ETV6: variants seen among roughly 807,000 people sequenced by gnomAD.
ETV6 encodes the protein transcription factor ETV6.
In ETV6, 16 loss-of-function variants were observed where a neutral mutation model predicts 51.1. The ratio of observed to expected loss-of-function variants is 0.31; its 90% CI spans 0.21 to 0.48. The LOEUF is 0.48. Among genes scored for constraint, ETV6 ranks in the 20% least tolerant of loss-of-function variants. The probability of loss-of-function intolerance (pLI) is 0.99; values close to 1 mark genes in which losing one functional copy is unlikely to be tolerated. For synonymous variants in ETV6, 240 were observed against 224.1 expected (o/e 1.07, Z -0.64); for missense variants, 458 against 594.8 (o/e 0.77, Z 2.39).
At chr12:11,778,048 G>A (rs557708839) in intron 2 of ETV6, among the ~76,000 whole-genome samples, 5 of 152,192 alleles carry the variant, frequency 3.3e-5, no homozygotes, top group South Asian at 2.1e-4. Flanking sequence ...TCTCACCTAC[G>A]TGACCTGGAA....
intron 2 of ETV6, among the ~76,000 whole-genome samples, chr12:11,827,831 C>T (rs56198451): frequency 0.06 from 9,072 of 152,122 alleles, 378 homozygotes; most frequent in Non-Finnish European, 0.086. Flanking sequence ...GGTCCGTGTG[C>T]GGTTTAAAAG....
At chr12:11,663,757 TTGTGTGTGTGTGTGTATG>T (rs1281744331) in intron 1 of ETV6, among the ~76,000 whole-genome samples, 22 of 151,402 alleles carry the variant, frequency 1.5e-4, no homozygotes, top group Non-Finnish European at 2.9e-4. Flanking sequence ...TGTTGGTAGG[TTGTGTGTGTGTGTGTATG>T]TGTGTGTGTG....
chr12:11,691,160 C>G (rs205541), intron 1 of ETV6, among the ~76,000 whole-genome samples: 2 of 152,042 alleles, frequency 1.3e-5, no homozygotes, highest in Admixed American at 1.3e-4. Context: ...CTCTTTTATA[C>G]GAACCTAAAT....
chr12:11,664,031 G>C (rs1456533177), intron 1 of ETV6, among the ~76,000 whole-genome samples: 1 of 152,178 alleles, frequency 6.6e-6, no homozygotes, highest in Non-Finnish European at 1.5e-5. Context: ...TGGATGAATA[G>C]GTAAATCACC....
At chr12:11,825,909 C>A (rs189063740) in intron 2 of ETV6, among the ~76,000 whole-genome samples, 1 of 148,934 alleles carries the variant, frequency 6.7e-6, no homozygotes, top group East Asian at 2.0e-4. Flanking sequence ...ATAATCATAG[C>A]TCACTGCAGC....
intron 2 of ETV6, among the ~76,000 whole-genome samples, chr12:11,832,773 G>A (rs1436092815): frequency 6.6e-6 from 1 of 152,196 alleles, no homozygotes; most frequent in Non-Finnish European, 1.5e-5. Context: ...GGATGAGCTT[G>A]GAAAATGTCC....
intron 2 of ETV6, among the ~76,000 whole-genome samples, chr12:11,837,736 C>T (rs1195420200): frequency 6.6e-6 from 1 of 152,210 alleles, no homozygotes; most frequent in African/African-American, 2.4e-5. Context: ...ACACTGATGC[C>T]ATTGCTCTGT....
intron 2 of ETV6, among the ~76,000 whole-genome samples, chr12:11,766,462 T>C (rs992359395): frequency 3.3e-5 from 4 of 120,698 alleles, no homozygotes; most frequent in Admixed American, 7.5e-5. Flanking sequence ...TCCTGACAGG[T>C]TTCTGTATGC....
chr12:11,851,895 G>A (rs888471091), intron 3 of ETV6, among the ~76,000 whole-genome samples: 3 of 152,122 alleles, frequency 2.0e-5, no homozygotes, highest in Admixed American at 6.5e-5. Flanking sequence ...AATATGGAAC[G>A]TTTCTCAGGT....
rs146396277 is a variant in ETV6, at chr12:11,760,902, G to A, written c.163+8323G>A. Among the ~76,000 whole-genome samples the A allele has an allele frequency of 3.3e-3, 280 of 84,456 alleles. 1 individual carries two copies. Among genetic ancestry groups the A allele is most frequent in the African/African-American group, 4.9e-3 (156 of 31,582 alleles). The allele number at this position is 84,456 out of a possible 152,430, so 55.4% of individuals were successfully genotyped here. On this transcript the variant is annotated intron_variant, in intron 2 of 7. Coordinates refer to ENST00000396373, the MANE Select transcript of ETV6 (RefSeq NM_001987.5). ...TATGTGTGTGTGTGTGTGTGTGTGT[G>A]TGTGTGTATATAAAAGTATATGTGT... is the stretch of plus-strand genomic sequence containing the variant.
intron 4 of ETV6, among the ~76,000 whole-genome samples, chr12:11,867,041 G>C (rs929332384): frequency 6.6e-6 from 1 of 152,164 alleles, no homozygotes; most frequent in Non-Finnish European, 1.5e-5. Flanking sequence ...AACAGAATCA[G>C]GGGGAAAGCT....
In ETV6 at chr12:11,874,619, CACAT is replaced by C. The variant is rs1229686962; in HGVS notation, c.1009+4652_1009+4655del. Among the ~76,000 whole-genome samples the C allele has an allele frequency of 9.7e-4, 6 of 6,206 alleles. 1 individual carries two copies. Among genetic ancestry groups the C allele is most frequent in the Non-Finnish European group, 2.7e-3 (2 of 732 alleles). The allele number at this position is 6,206 out of a possible 152,430, so 4.1% of individuals were successfully genotyped here. On this transcript the variant is annotated intron_variant, in intron 5 of 7. Coordinates refer to ENST00000396373, the MANE Select transcript of ETV6 (RefSeq NM_001987.5). ...ATATATGTGTATGTGCGTGTGTACA[CACAT>C]ATGTGTATGTGTGTGTGTATATACA...
At chr12:11,658,785 G>C (rs1475845316) in intron 1 of ETV6, among the ~76,000 whole-genome samples, 3 of 152,198 alleles carry the variant, frequency 2.0e-5, no homozygotes, top group Admixed American at 6.5e-5. Flanking sequence ...AATAGCAAAT[G>C]CCTTTTGCAT....
At chr12:11,881,356 G>A (rs902930368) in intron 5 of ETV6, among the ~76,000 whole-genome samples, 3 of 152,190 alleles carry the variant, frequency 2.0e-5, no homozygotes, top group African/African-American at 7.2e-5. Context: ...GACAAATACT[G>A]AAATATTAAG....
intron 4 of ETV6, among the ~76,000 whole-genome samples, chr12:11,866,218 C>T (rs944426866): frequency 1.3e-5 from 2 of 151,890 alleles, no homozygotes; most frequent in Non-Finnish European, 2.9e-5. Flanking sequence ...AATTCCATTT[C>T]CCTTTTGGCA....
chr12:11,841,018 A>G (rs1333898257), intron 3 of ETV6: 1 of 156,886 alleles, frequency 6.4e-6, no homozygotes, highest in Non-Finnish European at 1.4e-5. Context: ...AAAGCAAGCA[A>G]AGGAAAATAC....
intron 1 of ETV6, among the ~76,000 whole-genome samples, chr12:11,659,771 G>A (rs1864065588): frequency 6.6e-6 from 1 of 152,144 alleles, no homozygotes; most frequent in Non-Finnish European, 1.5e-5. Flanking sequence ...ACTTTCTCTT[G>A]TTTCCCTGGT....
intron 2 of ETV6, among the ~76,000 whole-genome samples, chr12:11,794,609 C>T (rs975915630): frequency 5.3e-5 from 8 of 152,190 alleles, no homozygotes; most frequent in African/African-American, 1.9e-4. Context: ...TGTGGGTTTC[C>T]TTGCACCTGA....
intron 1 of ETV6, among the ~76,000 whole-genome samples, chr12:11,723,123 C>G (rs1488146208): frequency 1.3e-5 from 2 of 152,040 alleles, no homozygotes; most frequent in African/African-American, 4.8e-5. Flanking sequence ...CTCTTTGTAC[C>G]CTCGTTTTCT....
Sources: allele counts gnomAD v4.1 joint callset (sites outside exome capture counted in the v4.1 genomes callset), GRCh38; gene constraint gnomAD v4.1.1; transcripts MANE v1.5; gene names NCBI Gene and HGNC (gene_info 2026-07-23, HGNC 2026-07-21).